PSMD14: variants seen among roughly 807,000 people sequenced by gnomAD.
PSMD14 encodes the protein proteasome 26S subunit, non-ATPase 14.
A neutral mutation model predicts 41.2 loss-of-function variants in PSMD14; 7 were observed. The observed-to-expected ratio is 0.17, with a 90% CI of 0.10 to 0.32. The LOEUF (loss-of-function observed/expected upper bound fraction) is 0.32, where lower values mean the gene tolerates loss of function less well. Among genes scored for constraint, PSMD14 ranks in the 10% least tolerant of loss-of-function variants. The pLI, the probability that PSMD14 is intolerant of heterozygous loss-of-function variation, is 1.00. For synonymous variants in PSMD14, 114 were observed against 122.3 expected (o/e 0.93, Z 0.45); for missense variants, 139 against 375.6 (o/e 0.37, Z 5.21).
intron 6 of PSMD14, 52 bp downstream of exon 6, chr2:161,370,229 A>C (rs1162820500): frequency 3.1e-6 from 4 of 1,304,736 alleles, no homozygotes; most frequent in Non-Finnish European, 4.2e-6. Context: ...ATTTATAGAA[A>C]CATACCTCAA....
At chr2:161,362,883 T>A (rs956587040) in intron 3 of PSMD14, among the ~76,000 whole-genome samples, 1 of 152,232 alleles carries the variant, frequency 6.6e-6, no homozygotes, top group Non-Finnish European at 1.5e-5. Flanking sequence ...AACTTTTTTT[T>A]AAATTCAAGA....
intron 7 of PSMD14, chr2:161,382,734 T>C (rs1198704315): frequency 1.3e-5 from 2 of 151,816 alleles, no homozygotes; most frequent in Non-Finnish European, 2.9e-5. Context: ...AAGGAGATAG[T>C]TTTTGTGTAA....
chr2:161,391,364 C>T (rs1029634007), intron 9 of PSMD14, among the ~76,000 whole-genome samples, 186 bp downstream of exon 9: 1 of 152,098 alleles, frequency 6.6e-6, no homozygotes, highest in Admixed American at 6.6e-5. Context: ...AGACACATTT[C>T]ACCTTATTGG....
intron 3 of PSMD14, among the ~76,000 whole-genome samples, chr2:161,345,503 C>T (rs972161434): frequency 1.3e-5 from 2 of 151,960 alleles, no homozygotes; most frequent in Non-Finnish European, 2.9e-5. Context: ...TCAAGCAATC[C>T]GCCCACCTCT....
intron 9 of PSMD14, among the ~76,000 whole-genome samples, chr2:161,391,627 T>C (rs146081987): frequency 2.0e-5 from 3 of 152,298 alleles, no homozygotes; most frequent in African/African-American, 4.8e-5. Context: ...GGTCTTGCTC[T>C]GTCTCCCAGA....
intron 9 of PSMD14, among the ~76,000 whole-genome samples, chr2:161,393,276 T>A (rs533623647): frequency 4.5e-4 from 69 of 152,296 alleles, no homozygotes; most frequent in Admixed American, 2.3e-3. Context: ...GCATAGGTAG[T>A]TGTAGCAGCA....
chr2:161,389,889 G>GTTTTTTTTTTTTT (rs1162637393), intron 8 of PSMD14, among the ~76,000 whole-genome samples: 5 of 20,048 alleles, frequency 2.5e-4, no homozygotes, highest in Admixed American at 6.8e-4. Flanking sequence ...CTTTTTTGTT[G>GTTTTTTTTTTTTT]TTTTTTTTTT....
chr2:161,349,726 C>T (rs970010086), intron 3 of PSMD14, among the ~76,000 whole-genome samples: 1 of 152,142 alleles, frequency 6.6e-6, no homozygotes, highest in Admixed American at 6.5e-5. Context: ...TGTAGGGCAG[C>T]TGAGGTGTGC....
At chr2:161,372,408 A>G (rs561676617) in intron 7 of PSMD14, among the ~76,000 whole-genome samples, 1 of 152,090 alleles carries the variant, frequency 6.6e-6, no homozygotes, top group Admixed American at 6.6e-5. Flanking sequence ...TAAAATACGG[A>G]GTTTTTATCT....
chr2:161,365,008 G>C (rs904709790), intron 3 of PSMD14, among the ~76,000 whole-genome samples: 1 of 152,088 alleles, frequency 6.6e-6, no homozygotes, highest in Non-Finnish European at 1.5e-5. Flanking sequence ...AGGAGGCTGA[G>C]ACAGGAAGAG....
chr2:161,406,427 A>G (rs1411586007), intron 10 of PSMD14, among the ~76,000 whole-genome samples: 3 of 152,180 alleles, frequency 2.0e-5, no homozygotes, highest in Non-Finnish European at 4.4e-5. Context: ...ACGCCAAATC[A>G]CAGAAGTTGC....
At chr2:161,353,174 T>C (rs1683144122) in intron 3 of PSMD14, among the ~76,000 whole-genome samples, 1 of 152,226 alleles carries the variant, frequency 6.6e-6, no homozygotes, top group Non-Finnish European at 1.5e-5. Context: ...AGTGAAATCT[T>C]GGGTCCTTAA....
intron 3 of PSMD14, among the ~76,000 whole-genome samples, chr2:161,341,485 G>A (rs1682960770): frequency 6.6e-6 from 1 of 151,924 alleles, no homozygotes; most frequent in African/African-American, 2.4e-5. Flanking sequence ...ACATGGGCTT[G>A]TCTTTTTATC....
chr2:161,316,978 T>C (rs1224372459), intron 2 of PSMD14, among the ~76,000 whole-genome samples: 1 of 152,206 alleles, frequency 6.6e-6, no homozygotes, highest in Non-Finnish European at 1.5e-5. Flanking sequence ...AGTTTTGGCC[T>C]AGAATATATA....
chr2:161,372,414 T>TA (rs1683448250), intron 7 of PSMD14, among the ~76,000 whole-genome samples: 1 of 152,044 alleles, frequency 6.6e-6, no homozygotes, highest in Non-Finnish European at 1.5e-5. Context: ...ACGGAGTTTT[T>TA]ATCTGTCATA....
At chr2:161,340,944 G>C in intron 3 of PSMD14, 1 of 1,613,346 alleles carries the variant, frequency 6.2e-7, no homozygotes, top group Middle Eastern at 1.7e-4. Context: ...AGGCCCTTCC[G>C]ATGATGGCCC....
intron 3 of PSMD14, among the ~76,000 whole-genome samples, chr2:161,340,225 T>G (rs1249445320): frequency 1.3e-5 from 2 of 152,100 alleles, no homozygotes; most frequent in Non-Finnish European, 2.9e-5. Context: ...GTCAAGTAAA[T>G]TCCTGGTACT....
chr2:161,372,822 T>G (rs1683455220), intron 7 of PSMD14, among the ~76,000 whole-genome samples: 1 of 151,984 alleles, frequency 6.6e-6, no homozygotes, highest in South Asian at 2.1e-4. Context: ...AACAATTATC[T>G]AATAAAGTCC....
chr2:161,331,733 T>G (rs1390375528), intron 3 of PSMD14, among the ~76,000 whole-genome samples: 1 of 152,146 alleles, frequency 6.6e-6, no homozygotes, highest in Non-Finnish European at 1.5e-5. Context: ...CCACATATTT[T>G]GAAATGTGTA....
Sources: gnomAD v4.1 joint callset for allele counts (sites outside exome capture counted in the v4.1 genomes callset) on GRCh38, gnomAD v4.1.1 for gene constraint, MANE v1.5 for transcripts, NCBI Gene and HGNC (gene_info 2026-07-23, HGNC 2026-07-21) for gene names.